The following CSNK1G3 variants were observed in gnomAD, a reference collection of about 807,000 sequenced individuals.
CSNK1G3 encodes casein kinase I isoform gamma-3.
In CSNK1G3, 23 loss-of-function variants were observed where a neutral mutation model predicts 64.3. The observed-to-expected ratio is 0.36, with a 90% CI of 0.26 to 0.51. The LOEUF is 0.51. Ranked by LOEUF, CSNK1G3 falls within the 20% of genes least tolerant of loss-of-function variation. The pLI is 0.96. For missense variants in CSNK1G3, 357 were observed against 510.5 expected (o/e 0.70, Z 2.90); for synonymous variants, 158 against 162.2 (o/e 0.97, Z 0.20).
chr5:123,568,715 A>G (rs528062560), intron 4 of CSNK1G3, among the ~76,000 whole-genome samples: 4 of 152,196 alleles, frequency 2.6e-5, no homozygotes, highest in Middle Eastern at 3.4e-3. Flanking sequence ...TCCTTTGTAA[A>G]ACTTCTTGAA....
intron 6 of CSNK1G3, among the ~76,000 whole-genome samples, chr5:123,585,499 T>G (rs753897313): frequency 2.0e-5 from 3 of 152,122 alleles, no homozygotes; most frequent in Non-Finnish European, 2.9e-5. Flanking sequence ...AAAATTTCTT[T>G]TAAACATACT....
At chr5:123,585,240 G>T (rs538155312) in intron 6 of CSNK1G3, among the ~76,000 whole-genome samples, 1 of 152,136 alleles carries the variant, frequency 6.6e-6, no homozygotes, top group South Asian at 2.1e-4. Flanking sequence ...GAAACTATAT[G>T]AGAGTAGCTA....
intron 1 of CSNK1G3, among the ~76,000 whole-genome samples, chr5:123,523,118 T>G (rs1778424245): frequency 6.7e-6 from 1 of 148,362 alleles, no homozygotes; most frequent in Non-Finnish European, 1.5e-5. Context: ...GGAAGGGACT[T>G]CAAAGATTAT....
At chr5:123,606,459 T>C (rs976172025) in intron 12 of CSNK1G3, among the ~76,000 whole-genome samples, 1 of 152,188 alleles carries the variant, frequency 6.6e-6, no homozygotes, top group African/African-American at 2.4e-5. Context: ...TATAGAATCC[T>C]GTTTCTGCCA....
chr5:123,571,984 TGAG>T (rs1788204508), intron 4 of CSNK1G3, among the ~76,000 whole-genome samples: 1 of 152,098 alleles, frequency 6.6e-6, no homozygotes, highest in Admixed American at 6.6e-5. Flanking sequence ...AAAGGAAAAA[TGAG>T]GAGGGTCACA....
chr5:123,521,430 G>T (rs544630965), intron 1 of CSNK1G3, among the ~76,000 whole-genome samples: 2 of 152,166 alleles, frequency 1.3e-5, no homozygotes, highest in African/African-American at 2.4e-5. Flanking sequence ...AATATAATCA[G>T]CTCCTTAAGA....
At chr5:123,574,345 T>C (rs1000323993) in intron 5 of CSNK1G3, among the ~76,000 whole-genome samples, 1 of 152,180 alleles carries the variant, frequency 6.6e-6, no homozygotes, top group African/African-American at 2.4e-5. Flanking sequence ...TTTTTATTCA[T>C]TGACTCATTA....
rs189128569 is a variant in CSNK1G3 at position 123,517,730 on chromosome 5, A to G, written c.-248+5160A>G. ...GAAAAGGCCATAGCTCTGTATTATA[A>G]GATTGTCTTGTGAATGGACATTTTT... On this transcript the variant is annotated intron_variant, in intron 1 of 12. Coordinates refer to ENST00000345990, the Ensembl canonical transcript of CSNK1G3. Among the ~76,000 whole-genome samples the G allele has an allele frequency of 7.9e-5, 12 of 152,310 alleles. No individual in the cohort carries two copies. In the East Asian group the frequency reaches 2.3e-3, roughly 29 times the overall value.
chr5:123,581,360 G>GTTTTTTTTTTTTTTTTTTTTTTTTTTTTT (rs10612602), intron 6 of CSNK1G3, among the ~76,000 whole-genome samples: 1 of 81,602 alleles, frequency 1.2e-5, no homozygotes, highest in Non-Finnish European at 2.3e-5. Context: ...TTTTGGGTTT[G>GTTTTTTTTTTTTTTTTTTTTTTTTTTTTT]TTTTTTTTTT....
intron 4 of CSNK1G3, among the ~76,000 whole-genome samples, chr5:123,569,757 T>G (rs1317812090): frequency 6.6e-6 from 1 of 151,694 alleles, no homozygotes; most frequent in Non-Finnish European, 1.5e-5. Flanking sequence ...TTTTATTTAT[T>G]TATTTGTTTT....
At chr5:123,577,915 A>G (rs1169504820) in intron 6 of CSNK1G3, among the ~76,000 whole-genome samples, 2 of 151,910 alleles carry the variant, frequency 1.3e-5, no homozygotes, top group Non-Finnish European at 2.9e-5. Context: ...CACTGATCTG[A>G]TTTCTATCAC....
rs185170400 is a variant in CSNK1G3 at position 123,514,277 on chromosome 5, A to G, written c.-248+1707A>G. The stretch of plus-strand genomic sequence containing the variant: ...TTATAGTCATCCACCCCCTTCTGCC[A>G]TTCATCAGCTTAAACATTAGTGTGT... On this transcript the variant is annotated intron_variant, in intron 1 of 12. Coordinates refer to ENST00000345990, the Ensembl canonical transcript of CSNK1G3. Among the ~76,000 whole-genome samples, 19 of 152,348 alleles carry G rather than the reference A, an allele frequency of 1.2e-4. No homozygotes were observed. In the East Asian group the frequency reaches 3.7e-3, roughly 29 times the overall value.
At chr5:123,576,302 C>T (rs1421131988) in intron 6 of CSNK1G3, among the ~76,000 whole-genome samples, 1 of 152,046 alleles carries the variant, frequency 6.6e-6, no homozygotes, top group African/African-American at 2.4e-5. Context: ...GAATTCAGTA[C>T]ATGTGGAAAT....
Position 123,533,392 on chromosome 5 carries a change from C to T in CSNK1G3, c.-247-12025C>T, listed in dbSNP as rs951305389. 9.2e-5 allele frequency among the ~76,000 whole-genome samples: 14 copies of T among 151,898 alleles called. No individual in the cohort carries two copies. In the South Asian group the frequency reaches 2.5e-3, roughly 27 times the overall value. ...AGTTGAAAATCAGTTATCTATCGTA[C>T]GGTATTATGACAAGCTTTTGAATCA... On this transcript the variant is annotated intron_variant, in intron 1 of 12. Transcript: ENST00000345990.
intron 11 of CSNK1G3, 130 bp from the exon 13 acceptor site, chr5:123,605,209 A>G (rs2151162885): frequency 2.6e-6 from 2 of 773,366 alleles, no homozygotes; most frequent in Non-Finnish European, 4.0e-6. Context: ...TTTTCAAAAC[A>G]TAAATTATAA....
chr5:123,563,476 C>T (rs527866890), intron 4 of CSNK1G3, among the ~76,000 whole-genome samples: 1 of 152,060 alleles, frequency 6.6e-6, no homozygotes, highest in African/African-American at 2.4e-5. Context: ...GATTTATGTG[C>T]TCCCTGCAGT....
At chr5:123,527,228 A>G (rs562912385) in intron 1 of CSNK1G3, among the ~76,000 whole-genome samples, 1 of 152,126 alleles carries the variant, frequency 6.6e-6, no homozygotes, top group Non-Finnish European at 1.5e-5. Flanking sequence ...GTGTTCTGGA[A>G]CTATTATTTC....
At chr5:123,554,127 G>A (rs774286406) in intron 3 of CSNK1G3, among the ~76,000 whole-genome samples, 8 of 152,124 alleles carry the variant, frequency 5.3e-5, no homozygotes, top group Non-Finnish European at 8.8e-5. Context: ...AGTATCTTTT[G>A]AATATAGACC....
intron 12 of CSNK1G3, among the ~76,000 whole-genome samples, chr5:123,606,238 G>A (rs1240495136): frequency 2.0e-5 from 3 of 152,008 alleles, no homozygotes; most frequent in Admixed American, 1.3e-4. Context: ...TAAGACTAGT[G>A]TATGTCAGGA....
Sources: allele counts gnomAD v4.1 joint callset (sites outside exome capture counted in the v4.1 genomes callset), GRCh38; gene constraint gnomAD v4.1.1; transcripts MANE v1.5; gene names NCBI Gene and HGNC (gene_info 2026-07-23, HGNC 2026-07-21).